The following TTC7B variants were observed in gnomAD, a reference collection of about 807,000 sequenced individuals.
TTC7B encodes the protein tetratricopeptide repeat domain 7B.
Under a neutral mutation model 106.8 loss-of-function variants are expected in TTC7B, and 28 were observed. That is an observed-to-expected ratio of 0.26 (90% CI 0.19 to 0.36). The LOEUF (loss-of-function observed/expected upper bound fraction) is 0.36. TTC7B is among the 10% of genes least tolerant of loss of function. The pLI is 1.00. For synonymous variants in TTC7B, 405 were observed against 430.6 expected (o/e 0.94, Z 0.74); for missense variants, 862 against 1,076.4 (o/e 0.80, Z 2.79).
At chr14:90,584,732 G>A (rs1009392969) in intron 18 of TTC7B, among the ~76,000 whole-genome samples, 7 of 151,668 alleles carry the variant, frequency 4.6e-5, no homozygotes, top group East Asian at 1.9e-4. Flanking sequence ...AGCTCAAGCC[G>A]GCAGCCTCCC....
chr14:90,626,787 T>C (rs2139859729), intron 15 of TTC7B, among the ~76,000 whole-genome samples: 1 of 152,198 alleles, frequency 6.6e-6, no homozygotes, highest in African/African-American at 2.4e-5. Flanking sequence ...CCCAACCACA[T>C]GCCAGCCCCG....
chr14:90,634,521 C>A (rs7145796), intron 15 of TTC7B, among the ~76,000 whole-genome samples: 102,988 of 151,972 alleles, frequency 0.68, 35,986 homozygotes, highest in Non-Finnish European at 0.76. Context: ...CCTGTAATCC[C>A]AGTATTGTGG....
At chr14:90,795,106 T>C (rs1003040654) in intron 1 of TTC7B, among the ~76,000 whole-genome samples, 3 of 151,956 alleles carry the variant, frequency 2.0e-5, no homozygotes, top group Admixed American at 2.0e-4. Context: ...TAATTCCAGA[T>C]AGATTAAAGA....
At chr14:90,730,744 G>A (rs369337696) in intron 4 of TTC7B, among the ~76,000 whole-genome samples, 2 of 152,214 alleles carry the variant, frequency 1.3e-5, no homozygotes, top group East Asian at 1.9e-4. Context: ...GCAACCTGGT[G>A]AGGTTGGGCT....
intron 17 of TTC7B, among the ~76,000 whole-genome samples, chr14:90,604,851 C>CA (rs1163615099): frequency 3.3e-5 from 5 of 152,196 alleles, no homozygotes; most frequent in Admixed American, 2.0e-4. Context: ...AGCCGACTTT[C>CA]AAAATTTCCG....
intron 5 of TTC7B, among the ~76,000 whole-genome samples, chr14:90,714,272 C>G (rs1323499821): frequency 6.6e-6 from 1 of 151,770 alleles, no homozygotes; most frequent in Non-Finnish European, 1.5e-5. Context: ...ACTACGTATT[C>G]TATGATTACA....
At chr14:90,643,517 A>T (rs919052420) in intron 15 of TTC7B, among the ~76,000 whole-genome samples, 4 of 152,118 alleles carry the variant, frequency 2.6e-5, no homozygotes, top group African/African-American at 4.8e-5. Flanking sequence ...AAAGTATTTT[A>T]AAAAAATAAG....
chr14:90,811,228 CAG>C (rs1398461527), intron 1 of TTC7B, among the ~76,000 whole-genome samples: 1 of 152,202 alleles, frequency 6.6e-6, no homozygotes, highest in Non-Finnish European at 1.5e-5. Context: ...GACAAGAGGA[CAG>C]AGTGTTTGAA....
At chr14:90,662,148 C>G (rs2139906143) in intron 9 of TTC7B, among the ~76,000 whole-genome samples, 1 of 152,324 alleles carries the variant, frequency 6.6e-6, no homozygotes, top group African/African-American at 2.4e-5. Flanking sequence ...GGGGGACGAG[C>G]AGGCACTCCC....
intron 3 of TTC7B, among the ~76,000 whole-genome samples, chr14:90,753,281 C>T (rs1483221829): frequency 1.3e-5 from 2 of 152,200 alleles, no homozygotes; most frequent in African/African-American, 4.8e-5. Flanking sequence ...ACATGACCCA[C>T]AGGGGTGTTT....
chr14:90,605,158 C>T (rs1892588337), intron 17 of TTC7B, among the ~76,000 whole-genome samples: 1 of 152,200 alleles, frequency 6.6e-6, no homozygotes, highest in Non-Finnish European at 1.5e-5. Flanking sequence ...GAACCACATG[C>T]TGAAAGGGCT....
At chr14:90,590,706 C>A (rs1891918871) in intron 18 of TTC7B, among the ~76,000 whole-genome samples, 1 of 152,190 alleles carries the variant, frequency 6.6e-6, no homozygotes, top group Non-Finnish European at 1.5e-5. Flanking sequence ...GCAGTGGAAA[C>A]TGTCTTCTAA....
intron 17 of TTC7B, among the ~76,000 whole-genome samples, chr14:90,599,975 A>G (rs928925520): frequency 7.9e-5 from 12 of 152,176 alleles, no homozygotes; most frequent in Non-Finnish European, 1.6e-4. Flanking sequence ...CTTGGAAATA[A>G]ATCAGTCCAA....
intron 15 of TTC7B, among the ~76,000 whole-genome samples, chr14:90,632,830 T>C (rs1884760618): frequency 6.6e-6 from 1 of 152,204 alleles, no homozygotes; most frequent in Admixed American, 6.5e-5. Flanking sequence ...CCACCATAGA[T>C]AGTTCTTGCA....
rs1181606297 is a variant in TTC7B at position 90,608,642 on chromosome 14, C to T, written c.1966+2100G>A. Among the ~76,000 whole-genome samples, 1 of 152,148 alleles carries T rather than the reference C, an allele frequency of 6.6e-6. No homozygotes were observed. Among genetic ancestry groups the T allele is most frequent in the Non-Finnish European group, 1.5e-5 (1 of 68,040 alleles). ...CCCGGGGGCCAGGCCCAACCCAGGG[C>T]AGTGACACCGCAGACTGTGTCACAC... On this transcript the variant is annotated intron_variant, in intron 17 of 19. Transcript: ENST00000328459. This position sits in a 1 kb window ranked among gnomAD's most constrained non-coding sequence, Gnocchi z 5.1.
chr14:90,768,665 G>GT (rs910764526), intron 3 of TTC7B, among the ~76,000 whole-genome samples: 7 of 152,192 alleles, frequency 4.6e-5, no homozygotes, highest in East Asian at 1.9e-4. Context: ...AAGCTGAGGA[G>GT]TTTTTTTACC....
At chr14:90,784,450 A>G (rs1203103754) in intron 2 of TTC7B, among the ~76,000 whole-genome samples, 1 of 152,082 alleles carries the variant, frequency 6.6e-6, no homozygotes, top group Non-Finnish European at 1.5e-5. Context: ...CCAGCTAGTC[A>G]GGAGGCTGAG....
At chr14:90,786,028 C>T in intron 2 of TTC7B, 146 bp downstream of exon 2, 1 of 964,868 alleles carries the variant, frequency 1.0e-6, no homozygotes. Context: ...CACATCCACC[C>T]AACTGGGAGC....
chr14:90,716,238 A>C (rs1888651430), intron 5 of TTC7B, among the ~76,000 whole-genome samples: 1 of 152,228 alleles, frequency 6.6e-6, no homozygotes, highest in Non-Finnish European at 1.5e-5. Context: ...CCGATCTAAC[A>C]GGATTCTTGC....
Sources: gnomAD v4.1 joint callset for allele counts (sites outside exome capture counted in the v4.1 genomes callset) on GRCh38, gnomAD v4.1.1 for gene constraint, Gnocchi (gnomAD v3.1) non-coding constraint, MANE v1.5 for transcripts, NCBI Gene and HGNC (gene_info 2026-07-23, HGNC 2026-07-21) for gene names.